The following HEATR4 variants were observed in gnomAD, a reference collection of about 807,000 sequenced individuals.
HEATR4 encodes HEAT repeat containing 4, also known as HEAT repeat-containing protein 4.
A neutral mutation model predicts 108.8 loss-of-function variants in HEATR4; 95 were observed. The ratio of observed to expected loss-of-function variants is 0.87; its 90% CI spans 0.74 to 1.04. HEATR4 has a LOEUF of 1.04. Ranked by LOEUF, HEATR4 falls within the 50% of genes least tolerant of loss-of-function variation. The pLI is 0.00. For synonymous variants in HEATR4, 443 were observed against 459.4 expected, an observed-to-expected ratio of 0.96 and a Z score of 0.46; for missense variants, 1,152 against 1,253.8, an observed-to-expected ratio of 0.92 and a Z score of 1.23.
At chr14:73,594,981 A>G in the HEATR4 span, 19 of 1,570,036 alleles carry the variant, frequency 1.2e-5, no homozygotes, top group Non-Finnish European at 1.6e-5. Flanking sequence ...TTGGGATTAC[A>G]GGCATGAGCC....
chr14:73,569,747 G>A, the HEATR4 span: 4 of 1,609,308 alleles, frequency 2.5e-6, no homozygotes, highest in Middle Eastern at 1.9e-4. Flanking sequence ...TGGAGCTGGA[G>A]GTGCTGGATG....
the HEATR4 span, among the ~76,000 whole-genome samples, chr14:73,629,012 G>A: frequency 0.015 from 2,231 of 150,018 alleles, 58 homozygotes; most frequent in African/African-American, 0.052. Context: ...CCGAGATAAC[G>A]CCACTGCACT....
At chr14:73,628,689 G>C in the HEATR4 span, among the ~76,000 whole-genome samples, 1 of 151,412 alleles carries the variant, frequency 6.6e-6, no homozygotes, top group African/African-American at 2.4e-5. Context: ...GGAGGTGGAG[G>C]TTTCAGTGAG....
intron 9 of HEATR4, among the ~76,000 whole-genome samples, chr14:73,507,387 G>A (rs536947823): frequency 2.6e-5 from 4 of 152,038 alleles, no homozygotes; most frequent in Admixed American, 6.6e-5. Context: ...GTTTACTTAT[G>A]CTTGAGATTG....
chr14:73,573,649 T>G, the HEATR4 span: 1 of 1,601,558 alleles, frequency 6.2e-7, no homozygotes, highest in South Asian at 1.1e-5. Flanking sequence ...TTAAATGGTC[T>G]GGGTTTTCAC....
chr14:73,575,404 G>A, the HEATR4 span: 5 of 1,295,780 alleles, frequency 3.9e-6, no homozygotes, highest in Non-Finnish European at 5.2e-6. Context: ...ATCTGGGGAG[G>A]GGAGCCCAGG....
At chr14:73,602,614 TCCCGCGTTCTC>T in the HEATR4 span, among the ~76,000 whole-genome samples, 1 of 152,160 alleles carries the variant, frequency 6.6e-6, no homozygotes, top group African/African-American at 2.4e-5. Context: ...GTCTCTTTAT[TCCCGCGTTCTC>T]CCCGCTTTGT....
At position 73,521,351 on chromosome 14, in the gene HEATR4, C is replaced by T. The variant is rs117254873; in HGVS notation, c.882-312G>A. On this transcript the variant is annotated intron_variant, in intron 3 of 17. Transcript: ENST00000553558. ...TTTTTAACATTCGTACTCTTAGAGG[C>T]GGCATGGCCTTGGGGAAGGGATCCC... Among the ~76,000 whole-genome samples, 883 of 152,210 alleles carry T rather than the reference C, an allele frequency of 5.8e-3. 58 individuals carry two copies. The South Asian group carries it at 0.12, about 21-fold the overall frequency.
At chr14:73,592,234 G>T in the HEATR4 span, 1 of 1,613,182 alleles carries the variant, frequency 6.2e-7, no homozygotes. Flanking sequence ...CCTTTTTGGC[G>T]CTTCCTGAAG....
chr14:73,627,780 A>G, the HEATR4 span, among the ~76,000 whole-genome samples: 3 of 151,652 alleles, frequency 2.0e-5, no homozygotes, highest in Admixed American at 6.6e-5. Context: ...CCTCCTCCCC[A>G]GGTTTGGTAG....
At chr14:73,622,123 G>A in the HEATR4 span, among the ~76,000 whole-genome samples, 4 of 152,000 alleles carry the variant, frequency 2.6e-5, no homozygotes, top group Non-Finnish European at 5.9e-5. Flanking sequence ...TCACTCCCAA[G>A]TGGACCTGCT....
At position 73,494,936 on chromosome 14, in the gene HEATR4, G is replaced by GT. The variant is rs142583192; in HGVS notation, c.2785+291dup. 7.1e-3 allele frequency among the ~76,000 whole-genome samples: 1,078 copies of GT among 152,074 alleles called. 6 individuals carry two copies. Among genetic ancestry groups the GT allele is most frequent in the Non-Finnish European group, 0.012 (787 of 67,978 alleles). ...TTAGTCAAACATACATGGTAGTATT[G>GT]TTTTATAAAGACTTGTGTTTTTCTG... On this transcript the variant is annotated intron_variant, in intron 16 of 17. Coordinates refer to ENST00000553558, the MANE Select transcript of HEATR4 (RefSeq NM_001220484.1).
At chr14:73,481,614 G>A (rs1339663015) in intron 17 of HEATR4, among the ~76,000 whole-genome samples, 1 of 152,040 alleles carries the variant, frequency 6.6e-6, no homozygotes, top group Non-Finnish European at 1.5e-5. Context: ...GGCCGACGCG[G>A]GCGGATCACG....
chr14:73,604,510 G>T, the HEATR4 span, among the ~76,000 whole-genome samples: 3 of 151,692 alleles, frequency 2.0e-5, no homozygotes, highest in Non-Finnish European at 2.9e-5. Context: ...TTCTGAGCTG[G>T]AGTCTTGCTC....
chr14:73,518,416 A>G (rs1278433030), intron 5 of HEATR4, among the ~76,000 whole-genome samples: 2 of 152,142 alleles, frequency 1.3e-5, no homozygotes, highest in Admixed American at 6.5e-5. Flanking sequence ...AAAAAAGAAA[A>G]AAAAAAAAAA....
Position 73,509,487 on chromosome 14 carries a change from A to G in HEATR4, c.1559-14T>C, listed in dbSNP as rs887034032. The stretch of plus-strand genomic sequence containing the variant: ...GGATGGTCTTGTCTGTGATCAAAAG[A>G]GCCAGGTAAGAGAGTACTAGCCCCT... On this transcript the variant is annotated splice_polypyrimidine_tract_variant and intron_variant, in intron 7 of 17. Coordinates refer to ENST00000553558, the MANE Select transcript of HEATR4 (RefSeq NM_001220484.1). 4 of 1,613,090 alleles carry G rather than the reference A, an allele frequency of 2.5e-6. No individual in the cohort carries two copies. The African/African-American group carries it at 5.3e-5, about 22-fold the overall frequency.
intron 5 of HEATR4, among the ~76,000 whole-genome samples, chr14:73,514,957 A>G (rs1887496029): frequency 6.6e-6 from 1 of 151,990 alleles, no homozygotes; most frequent in African/African-American, 2.4e-5. Flanking sequence ...AGTCTCAGCT[A>G]CTTGAGAGGC....
At chr14:73,613,723 T>C in the HEATR4 span, among the ~76,000 whole-genome samples, 1 of 152,128 alleles carries the variant, frequency 6.6e-6, no homozygotes, top group East Asian at 1.9e-4. Flanking sequence ...CATTCCACAA[T>C]GCACAGGACA....
chr14:73,533,064 G>T (rs1888757516), intron 1 of HEATR4, among the ~76,000 whole-genome samples: 1 of 115,702 alleles, frequency 8.6e-6, no homozygotes, highest in Non-Finnish European at 1.9e-5. Context: ...GTTTGAGGCT[G>T]CAGTGAGCTA....
Sources: gnomAD v4.1 joint callset for allele counts (sites outside exome capture counted in the v4.1 genomes callset) on GRCh38, gnomAD v4.1.1 for gene constraint, MANE v1.5 for transcripts, NCBI Gene and HGNC (gene_info 2026-07-23, HGNC 2026-07-21) for gene names.